The following METTL15 variants were observed in gnomAD, a reference collection of about 807,000 sequenced individuals.
The protein encoded by METTL15 is 12S rRNA N(4)-cytidine methyltransferase METTL15.
In METTL15, 34 loss-of-function variants were observed where a neutral mutation model predicts 38.3. The observed-to-expected ratio is 0.89, with a 90% CI of 0.68 to 1.18. The LOEUF (loss-of-function observed/expected upper bound fraction) is 1.18, where lower values mean the gene tolerates loss of function less well. Ranked by LOEUF, METTL15 falls within the 50% of genes most tolerant of loss-of-function variation. METTL15 has a pLI of 0.00. For missense variants in METTL15, 438 were observed against 498.4 expected, an observed-to-expected ratio of 0.88 and a Z score of 1.15; for synonymous variants, 162 against 170.9, an observed-to-expected ratio of 0.95 and a Z score of 0.41.
intron 3 of METTL15, among the ~76,000 whole-genome samples, chr11:28,203,340 T>C (rs1233330389): frequency 6.6e-6 from 1 of 152,070 alleles, no homozygotes; most frequent in Admixed American, 6.6e-5. Flanking sequence ...AAAATAATTA[T>C]CTTTCTTGGA....
intron 3 of METTL15, among the ~76,000 whole-genome samples, chr11:28,133,494 C>G (rs1849406992): frequency 6.6e-6 from 1 of 152,150 alleles, no homozygotes; most frequent in African/African-American, 2.4e-5. Flanking sequence ...TAATCATGCT[C>G]AAATGTAGTT....
chr11:28,145,894 A>G (rs970735727), intron 3 of METTL15: 1 of 151,976 alleles, frequency 6.6e-6, no homozygotes, highest in Non-Finnish European at 1.5e-5. Context: ...GCAAGTTTCT[A>G]TGGGGTAGAT....
chr11:28,456,566 GAGTAGC>G (rs1017615422), intron 6 of METTL15, among the ~76,000 whole-genome samples: 1 of 151,400 alleles, frequency 6.6e-6, no homozygotes, highest in African/African-American at 2.4e-5. Flanking sequence ...CTCAGTCCCC[GAGTAGC>G]TGGGACTACA....
At chr11:28,434,941 G>C (rs1030550067) in intron 6 of METTL15, among the ~76,000 whole-genome samples, 1 of 152,218 alleles carries the variant, frequency 6.6e-6, no homozygotes, top group African/African-American at 2.4e-5. Flanking sequence ...AAATGCATGA[G>C]CAAATTTTCA....
chr11:28,135,739 AG>A (rs1273863757), intron 3 of METTL15, among the ~76,000 whole-genome samples: 1 of 152,248 alleles, frequency 6.6e-6, no homozygotes, highest in Non-Finnish European at 1.5e-5. Flanking sequence ...TGGAGATGCC[AG>A]GCGGGGAGAA....
At chr11:28,267,160 CAAAAAAAAAAAAA>C (rs57831121) in intron 4 of METTL15, among the ~76,000 whole-genome samples, 1,409 of 53,778 alleles carry the variant, frequency 0.026, 25 homozygotes, top group Non-Finnish European at 0.037. Context: ...AACTCCATCT[CAAAAAAAAAAAAA>C]AAAAAAAAAA....
chr11:28,406,830 A>G (rs1176044754), intron 5 of METTL15, among the ~76,000 whole-genome samples: 1 of 152,178 alleles, frequency 6.6e-6, no homozygotes, highest in Admixed American at 6.6e-5. Context: ...TTTGTCATAA[A>G]TGGCTCTTAT....
chr11:28,494,678 G>A (rs1851522088), intron 6 of METTL15, among the ~76,000 whole-genome samples: 1 of 152,192 alleles, frequency 6.6e-6, no homozygotes, highest in African/African-American at 2.4e-5. Flanking sequence ...TATCACGGGG[G>A]TGGGTCTTTC....
intron 4 of METTL15, among the ~76,000 whole-genome samples, chr11:28,275,709 T>G (rs1414128454): frequency 6.8e-6 from 1 of 147,898 alleles, no homozygotes; most frequent in Non-Finnish European, 1.5e-5. Context: ...CTTAACAAAA[T>G]ACTAGCAAAT....
chr11:28,223,661 C>T (rs548153758), intron 4 of METTL15, among the ~76,000 whole-genome samples: 1 of 152,142 alleles, frequency 6.6e-6, no homozygotes, highest in African/African-American at 2.4e-5. Flanking sequence ...AAAACTAAGT[C>T]AGAAATAGAA....
intron 4 of METTL15, among the ~76,000 whole-genome samples, chr11:28,241,344 T>C (rs1210964508): frequency 6.6e-6 from 1 of 151,772 alleles, no homozygotes; most frequent in African/African-American, 2.4e-5. Context: ...CCATCCTGGC[T>C]AATAAGGTGA....
chr11:28,409,805 A>G (rs1850709673), intron 5 of METTL15, among the ~76,000 whole-genome samples: 1 of 152,136 alleles, frequency 6.6e-6, no homozygotes, highest in Non-Finnish European at 1.5e-5. Flanking sequence ...TAAATAGAAA[A>G]TAGAAAAATA....
chr11:28,267,625 T>A (rs1054457954), intron 4 of METTL15, among the ~76,000 whole-genome samples: 1 of 152,198 alleles, frequency 6.6e-6, no homozygotes, highest in Non-Finnish European at 1.5e-5. Context: ...GTGCCCAGAA[T>A]ATTGCATGTT....
At chr11:28,122,242 T>C (rs1852274353) in intron 3 of METTL15, 3 of 1,121,688 alleles carry the variant, frequency 2.7e-6, no homozygotes, top group Non-Finnish European at 2.3e-6. Flanking sequence ...TAAAATGCTT[T>C]GTTCATATCA....
chr11:28,377,576 G>T (rs1429740159), intron 5 of METTL15, among the ~76,000 whole-genome samples: 1 of 151,326 alleles, frequency 6.6e-6, no homozygotes, highest in Non-Finnish European at 1.5e-5. Flanking sequence ...TTTTTTCAAA[G>T]TTTTCAACTT....
intron 3 of METTL15, chr11:28,123,771 C>CT (rs1852351248): frequency 1.2e-6 from 1 of 832,772 alleles, no homozygotes; most frequent in Non-Finnish European, 1.8e-6. Context: ...CCTATTTGGC[C>CT]TGTGTCATCT....
chr11:28,530,805 C>A (rs145640278), downstream of METTL15, among the ~76,000 whole-genome samples: 3 of 151,994 alleles, frequency 2.0e-5, no homozygotes, highest in East Asian at 1.9e-4. Flanking sequence ...TAGGCCCCAA[C>A]TGAAGAAATT....
intron 3 of METTL15, among the ~76,000 whole-genome samples, chr11:28,199,812 G>A (rs1386741313): frequency 2.0e-5 from 3 of 150,838 alleles, no homozygotes; most frequent in African/African-American, 4.9e-5. Context: ...GCATGATCTC[G>A]GCTCACTGCA....
chr11:28,185,323 A>G (rs1187783858), intron 3 of METTL15, among the ~76,000 whole-genome samples: 1 of 151,506 alleles, frequency 6.6e-6, no homozygotes, highest in Non-Finnish European at 1.5e-5. Context: ...TTAATTTTTC[A>G]TTAGACTGTT....
Sources: allele counts gnomAD v4.1 joint callset (sites outside exome capture counted in the v4.1 genomes callset), GRCh38; gene constraint gnomAD v4.1.1; transcripts MANE v1.5; gene names NCBI Gene and HGNC (gene_info 2026-07-23, HGNC 2026-07-21).